GPHN: variants seen among roughly 807,000 people sequenced by gnomAD.
The protein encoded by GPHN is gephyrin.
GPHN carries 17 observed loss-of-function variants against 95.5 expected under a neutral mutation model. That is an observed-to-expected ratio of 0.18 (90% CI 0.12 to 0.27). The LOEUF is 0.27. Among genes scored for constraint, GPHN ranks in the 10% least tolerant of loss-of-function variants. GPHN has a pLI of 1.00. For synonymous variants in GPHN, 320 were observed against 322.5 expected, an observed-to-expected ratio of 0.99 and a Z score of 0.08; for missense variants, 660 against 978.1, an observed-to-expected ratio of 0.67 and a Z score of 4.34.
At chr14:67,536,532 C>G in the GPHN span, among the ~76,000 whole-genome samples, 1 of 151,808 alleles carries the variant, frequency 6.6e-6, no homozygotes, top group Admixed American at 6.5e-5. Flanking sequence ...TCCAATGCCT[C>G]CTGCATCCTC....
At chr14:67,575,919 C>G in the GPHN span, 1 of 1,613,788 alleles carries the variant, frequency 6.2e-7, no homozygotes, top group Non-Finnish European at 8.5e-7. Context: ...AGGAACCAGA[C>G]GGTTGCTTTC....
At chr14:67,718,593 C>A in the GPHN span, among the ~76,000 whole-genome samples, 2 of 152,194 alleles carry the variant, frequency 1.3e-5, no homozygotes, top group Non-Finnish European at 2.9e-5. Context: ...AGAAGAGGAT[C>A]CTTCTCAAAG....
chr14:67,579,970 G>T, the GPHN span: 1 of 1,229,112 alleles, frequency 8.1e-7, no homozygotes, highest in Admixed American at 2.2e-5. Context: ...TGACTGTTTG[G>T]TAGCTCATTT....
chr14:66,622,601 T>G (rs1366696371), intron 1 of GPHN, among the ~76,000 whole-genome samples: 1 of 152,180 alleles, frequency 6.6e-6, no homozygotes, highest in Non-Finnish European at 1.5e-5. Context: ...ACCCAAGTCA[T>G]GTCTTGAATG....
chr14:67,590,009 G>A, the GPHN span: 133 of 1,483,292 alleles, frequency 9.0e-5, no homozygotes, highest in Non-Finnish European at 7.9e-5. Context: ...TTTGGAGTAC[G>A]GAAAACCAGC....
Position 67,181,270 on chromosome 14 carries a change from T to C in GPHN, c.*333T>C. 1 of 448,386 alleles carries C rather than the reference T, an allele frequency of 2.2e-6. No homozygotes were observed. The allele number at this position is 448,386 out of a possible 1,614,324, so 27.8% of individuals were successfully genotyped here. On this transcript the variant is annotated 3_prime_UTR_variant, in exon 23 of 23. Transcript: ENST00000478722. ...ACTTGTGTTTTTCTCATCTTTAAAA[T>C]ACAACTACTTATGCTCTTAAATCAA... is the stretch of plus-strand genomic sequence containing the variant.
chr14:67,584,125 G>GT, the GPHN span: 1 of 1,612,658 alleles, frequency 6.2e-7, no homozygotes, highest in South Asian at 1.1e-5. Flanking sequence ...TGCTGCTCAG[G>GT]TAAGTGCCAG....
the GPHN span, among the ~76,000 whole-genome samples, chr14:67,247,220 T>G: frequency 6.6e-6 from 1 of 152,250 alleles, no homozygotes. Context: ...TAGTTTTCAA[T>G]ATGCAGATCT....
At chr14:67,299,553 G>GA in the GPHN span, among the ~76,000 whole-genome samples, 1 of 152,152 alleles carries the variant, frequency 6.6e-6, no homozygotes, top group South Asian at 2.1e-4. Context: ...ACAAGGTCAG[G>GA]AAAAGGTATT....
chr14:67,341,257 T>C, the GPHN span, among the ~76,000 whole-genome samples: 3 of 148,816 alleles, frequency 2.0e-5, no homozygotes, highest in Non-Finnish European at 4.5e-5. Flanking sequence ...GCCCATCGTC[T>C]GAGATGTGGG....
chr14:67,366,862 C>CT, the GPHN span, among the ~76,000 whole-genome samples: 37 of 138,046 alleles, frequency 2.7e-4, no homozygotes, highest in African/African-American at 8.0e-4. Flanking sequence ...TGTTTTACAC[C>CT]TTTTTTTTTG....
chr14:66,876,918 C>T (rs899405181), intron 4 of GPHN, among the ~76,000 whole-genome samples: 4 of 152,134 alleles, frequency 2.6e-5, no homozygotes, highest in African/African-American at 7.2e-5. Flanking sequence ...ATCCTGATAC[C>T]GAAACCTGAG....
the GPHN span, among the ~76,000 whole-genome samples, chr14:67,479,410 CA>C: frequency 7.2e-3 from 909 of 125,742 alleles, 2 homozygotes; most frequent in African/African-American, 0.011. Context: ...GACTCTGTCT[CA>C]AAAAAAAAAA....
chr14:66,977,037 A>G (rs1399442015), intron 9 of GPHN, among the ~76,000 whole-genome samples: 1 of 152,168 alleles, frequency 6.6e-6, no homozygotes, highest in Non-Finnish European at 1.5e-5. Flanking sequence ...GAGCAATGAC[A>G]TGAGTATTTC....
chr14:66,624,973 G>T (rs917244196), intron 1 of GPHN, among the ~76,000 whole-genome samples: 5 of 152,198 alleles, frequency 3.3e-5, no homozygotes, highest in African/African-American at 4.8e-5. Flanking sequence ...GGTCACTCAT[G>T]TTGATGCCTA....
At chr14:66,608,843 C>G (rs947279832) in intron 1 of GPHN, among the ~76,000 whole-genome samples, 1 of 152,060 alleles carries the variant, frequency 6.6e-6, no homozygotes, top group African/African-American at 2.4e-5. Flanking sequence ...TATGGCAGTT[C>G]TTTTTCCCTT....
chr14:66,879,213 GGA>G (rs1052638634), intron 4 of GPHN, among the ~76,000 whole-genome samples: 2 of 152,016 alleles, frequency 1.3e-5, no homozygotes, highest in African/African-American at 2.4e-5. Context: ...GTCAGGGGAT[GGA>G]GGGTTAGGGG....
chr14:67,528,512 T>C, the GPHN span, among the ~76,000 whole-genome samples: 1 of 152,182 alleles, frequency 6.6e-6, no homozygotes, highest in Non-Finnish European at 1.5e-5. Flanking sequence ...TGATGAAAGC[T>C]GTTGGAGAAA....
At chr14:67,122,489 C>A in intron 17 of GPHN, 112 bp downstream of exon 17, 1 of 892,058 alleles carries the variant, frequency 1.1e-6, no homozygotes, top group South Asian at 1.5e-5. Context: ...TCATAATTTT[C>A]ACTTATCTCA....
Sources: gnomAD v4.1 joint callset for allele counts (sites outside exome capture counted in the v4.1 genomes callset) on GRCh38, gnomAD v4.1.1 for gene constraint, MANE v1.5 for transcripts, NCBI Gene and HGNC (gene_info 2026-07-23, HGNC 2026-07-21) for gene names.